Variants in FDXR observed in about 807,000 individuals in gnomAD.
The protein encoded by FDXR is NADPH:adrenodoxin oxidoreductase, mitochondrial.
A neutral mutation model predicts 58.3 loss-of-function variants in FDXR; 38 were observed. The ratio of observed to expected loss-of-function variants is 0.65; its 90% confidence interval spans 0.50 to 0.85. The LOEUF is 0.85. FDXR is among the 40% of genes least tolerant of loss of function. The pLI, the probability that FDXR is intolerant of heterozygous loss-of-function variation, is 0.00. For missense variants in FDXR, 624 were observed against 671.0 expected (o/e 0.93, Z 0.77); for synonymous variants, 275 against 273.8 (o/e 1.00, Z -0.04).
chr17:74,865,067 A>C, intron 6 of FDXR, 136 bp from the exon 7 acceptor site: 10 of 1,209,298 alleles, frequency 8.3e-6, no homozygotes, highest in Non-Finnish European at 1.2e-5. Flanking sequence ...CCTGGTGGCC[A>C]GATGGAGCAT....
At position 74,863,231 on chromosome 17, in the gene FDXR, C is replaced by T. The variant is rs1408088205; in HGVS notation, c.1190G>A (p.Gly397Asp). The T allele has an allele frequency of 1.9e-6, 3 of 1,612,742 alleles. No individual in the cohort carries two copies. The highest frequency in any genetic ancestry group is 1.1e-5 in the South Asian group (1 of 90,818). The change falls in exon 11 of 12, where the codon GGC (glycine) becomes GAC (aspartate). Residue 397 changes from glycine (G) to aspartate (D), a missense_variant. Transcript: ENST00000293195. ...ACCTGTAGGTCCTCTCTTCACCCAG[C>T]CGCTGCAGTAGAGGCCTGAGAGGGG... The part of the protein sequence containing the change: ...VMDVPGLYCS[G>D]WVKRGPTGVI...
chr17:74,866,033 G>T (rs516035), intron 5 of FDXR, 98 bp downstream of exon 5: 794,005 of 1,019,088 alleles, frequency 0.78, 311,984 homozygotes, highest in African/African-American at 0.95. Context: ...CAATGTCACA[G>T]CTCGCCACTG....
intron 10 of FDXR, among the ~76,000 whole-genome samples, 172 bp downstream of exon 10, chr17:74,863,724 C>T (rs1355927778): frequency 6.6e-6 from 1 of 152,228 alleles, no homozygotes; most frequent in African/African-American, 2.4e-5. Context: ...CCTAGCCAGA[C>T]TGGAACTTCT....
rs1012455715 is a variant in FDXR, at chr17:74,862,718, C to T, written c.*99G>A. On this transcript the variant is annotated 3_prime_UTR_variant, in exon 12 of 12. Coordinates refer to ENST00000293195, the MANE Select transcript of FDXR (RefSeq NM_024417.5). ...GCCAAGCCTCCAAGCCAGGGCCGGC[C>T]GGGATCAGCAGAGGTGCAAAGTCCC... is the stretch of plus-strand genomic sequence containing the variant. 1.1e-4 allele frequency: 156 copies of T among 1,451,206 alleles called. 1 individual carries two copies. Among genetic ancestry groups the T allele is most frequent in the Non-Finnish European group, 1.2e-4 (135 of 1,090,918 alleles). The allele number at this position is 1,451,206 out of a possible 1,614,324, so 89.9% of individuals were successfully genotyped here.
rs1314537911 is a variant in FDXR at position 74,872,977 on chromosome 17, T to C, written c.-33A>G. ...AGCAGCAACCTGCAAGTGGATCTGT[T>C]CCTAGCTACTGCTCCGCAGGGCAAG... is the stretch of plus-strand genomic sequence containing the variant. On this transcript the variant is annotated 5_prime_UTR_variant, in exon 1 of 12. Coordinates refer to ENST00000293195, the MANE Select transcript of FDXR (RefSeq NM_024417.5). 1 of 1,538,182 alleles carries C rather than the reference T, an allele frequency of 6.5e-7. No homozygotes were observed. The highest frequency in any genetic ancestry group is 2.5e-5 in the East Asian group (1 of 40,760).
At chr17:74,865,137 A>G (rs2038131949) in intron 6 of FDXR, among the ~76,000 whole-genome samples, 1 of 152,272 alleles carries the variant, frequency 6.6e-6, no homozygotes, top group Non-Finnish European at 1.5e-5. Context: ...CTTTCATTCA[A>G]CAAGTATGTA....
At chr17:74,866,389 C>A (rs975722496) in intron 4 of FDXR, 57 bp downstream of exon 4, 6 of 1,600,526 alleles carry the variant, frequency 3.7e-6, no homozygotes, top group Non-Finnish European at 5.1e-6. Context: ...CCACCCCGAG[C>A]CACCGGCCTC....
In FDXR at chr17:74,864,226, GA is replaced by G; in HGVS notation, c.923del (p.Phe308SerfsTer21). On this transcript the variant is annotated frameshift_variant, in exon 9 of 12. Transcript: ENST00000293195. LOFTEE classifies it high-confidence loss of function. ...SASRAWGLRF[F>X]RSPQQVLPSP... ...AGGGCAGCACCTGCTGGGGGCTTCGGAAAAAGCGGAGGCCCCAGGCACGGGA... is the reference window on the plus strand; with the variant it reads ...AGGGCAGCACCTGCTGGGGGCTTCGGAAAAGCGGAGGCCCCAGGCACGGGA... 6.2e-7 allele frequency: 1 copy of G among 1,608,382 alleles called. No homozygotes were observed. The highest frequency in any genetic ancestry group is 8.5e-7 in the Non-Finnish European group (1 of 1,176,524).
chr17:74,869,819 C>A, intron 2 of FDXR: 1 of 383,202 alleles, frequency 2.6e-6, no homozygotes, highest in South Asian at 1.8e-5. Flanking sequence ...GAACATGTTA[C>A]GTCCAGTAAA....
chr17:74,866,467 C>T lies in FDXR; in HGVS notation c.372G>A (p.Glu124=). The part of the protein sequence containing the change: ...GRDVTVPELQ[E]AYHAVVLSYG... ...TCACCAGCACCACAGCGTGGTAGGC[C>T]TCCTGCAGCTCCGGCACCGTCACGT... is the stretch of plus-strand genomic sequence containing the variant. Residue 124 remains glutamate (E), a synonymous_variant, in exon 4 of 12, where the codon GAG becomes GAA. Transcript: ENST00000293195. 1 of 1,613,320 alleles carries T rather than the reference C, an allele frequency of 6.2e-7. No individual in the cohort carries two copies. Among genetic ancestry groups the T allele is most frequent in the Non-Finnish European group, 8.5e-7 (1 of 1,179,822 alleles).
At chr17:74,870,034 A>T (rs1477694325) in intron 2 of FDXR, 1 of 436,412 alleles carries the variant, frequency 2.3e-6, no homozygotes, top group African/African-American at 2.0e-5. Context: ...GACTCAAGCT[A>T]AGGGCCACTG....
intron 2 of FDXR, among the ~76,000 whole-genome samples, chr17:74,867,686 T>C (rs1255140478): frequency 1.3e-5 from 2 of 152,190 alleles, no homozygotes; most frequent in Non-Finnish European, 2.9e-5. Flanking sequence ...GCACTGGTTC[T>C]GCATGACCGC....
At position 74,865,935 on chromosome 17, in the gene FDXR, A is replaced by G. The variant is rs1354087023; in HGVS notation, c.508-115T>C. The G allele has an allele frequency of 1.2e-5, 11 of 934,692 alleles. 1 individual carries two copies. The highest frequency in any genetic ancestry group is 5.2e-5 in the East Asian group (2 of 38,450). 57.9% of individuals were successfully genotyped at this position (934,692 alleles called of 1,614,324 possible). ...TGCCCTGGGGCTTCCCCACACCGGGAAAGTCCACAACTCTGGTCCCTCCTC... is the reference window on the plus strand; with the variant it reads ...TGCCCTGGGGCTTCCCCACACCGGGGAAGTCCACAACTCTGGTCCCTCCTC... On this transcript the variant is annotated intron_variant, in intron 5 of 11. Transcript: ENST00000293195.
At chr17:74,870,516 CAAAAAAAAAAA>C (rs1168237892) in intron 2 of FDXR, among the ~76,000 whole-genome samples, 1 of 54,982 alleles carries the variant, frequency 1.8e-5, no homozygotes, top group African/African-American at 8.5e-5. Context: ...GACTCCATCT[CAAAAAAAAAAA>C]AAAAAAAAAA....
chr17:74,864,658 C>A, intron 7 of FDXR, 94 bp from the exon 8 acceptor site: 2 of 1,407,340 alleles, frequency 1.4e-6, no homozygotes, highest in East Asian at 2.4e-5. Context: ...CAGGAGAGAC[C>A]ACCACCCGCC....
intron 2 of FDXR, chr17:74,868,134 G>A (rs1473769611): frequency 3.7e-5 from 6 of 160,824 alleles, no homozygotes; most frequent in African/African-American, 1.4e-4. Context: ...CTGCACCCAA[G>A]TCCACCCTCC....
At chr17:74,869,015 A>G (rs920944965) in intron 2 of FDXR, among the ~76,000 whole-genome samples, 2 of 151,974 alleles carry the variant, frequency 1.3e-5, no homozygotes, top group African/African-American at 4.8e-5. Context: ...TCAGAGCCCA[A>G]GCTGGAACCT....
intron 2 of FDXR, among the ~76,000 whole-genome samples, chr17:74,867,636 G>A (rs942228509): frequency 6.6e-6 from 1 of 152,272 alleles, no homozygotes; most frequent in African/African-American, 2.4e-5. Flanking sequence ...AAAGAGAGGT[G>A]GAAATGGGCC....
intron 1 of FDXR, 104 bp downstream of exon 1, chr17:74,872,762 G>C: frequency 6.5e-7 from 1 of 1,535,784 alleles, no homozygotes; most frequent in Non-Finnish European, 8.7e-7. Context: ...CACCCCTTCA[G>C]TCTCACCCTT....
Sources: allele counts gnomAD v4.1 joint callset (sites outside exome capture counted in the v4.1 genomes callset), GRCh38; gene constraint gnomAD v4.1.1; transcripts MANE v1.5; gene names NCBI Gene and HGNC (gene_info 2026-07-23, HGNC 2026-07-21).